The following CPM variants were observed in gnomAD, a reference collection of about 807,000 sequenced individuals.
The protein encoded by CPM is carboxypeptidase M, also known as renal carboxypeptidase.
CPM carries 35 observed loss-of-function variants against 46.4 expected under a neutral mutation model. The observed-to-expected ratio is 0.75, with a 90% CI of 0.58 to 1.00. The LOEUF is 1.00. CPM is among the 50% of genes least tolerant of loss of function. The pLI, the probability that CPM is intolerant of heterozygous loss-of-function variation, is 0.00. For missense variants in CPM, 422 were observed against 530.4 expected (o/e 0.80, Z 2.01); for synonymous variants, 195 against 195.3 (o/e 1.00, Z 0.01).
chr12:68,945,846 C>CTTTTTTTTTTTTTTTTTTTT (rs1170064808), intron 1 of CPM, among the ~76,000 whole-genome samples: 11 of 88,458 alleles, frequency 1.2e-4, no homozygotes, highest in African/African-American at 2.9e-4. Flanking sequence ...TTCTTTCTTT[C>CTTTTTTTTTTTTTTTTTTTT]TTTTTTTTTT....
intron 1 of CPM, among the ~76,000 whole-genome samples, chr12:68,955,872 G>A (rs924915939): frequency 7.9e-5 from 12 of 152,110 alleles, no homozygotes; most frequent in Non-Finnish European, 2.9e-5. Flanking sequence ...GGCCATGGGT[G>A]TCCAAGAAAA....
intron 2 of CPM, among the ~76,000 whole-genome samples, chr12:68,912,367 C>T (rs1389648528): frequency 6.6e-6 from 1 of 152,094 alleles, no homozygotes; most frequent in Non-Finnish European, 1.5e-5. Flanking sequence ...GGGAATTTTT[C>T]CCTATTCTGA....
At chr12:68,949,940 G>T (rs1385517636) in intron 1 of CPM, among the ~76,000 whole-genome samples, 1 of 152,128 alleles carries the variant, frequency 6.6e-6, no homozygotes, top group Non-Finnish European at 1.5e-5. Context: ...TTCCCTTTAA[G>T]TCAAATCAAA....
rs1884939860 is a variant in CPM at position 68,855,756 on chromosome 12, T to G, written c.*681A>C. 1 of 151,758 alleles carries G rather than the reference T, an allele frequency of 6.6e-6. No homozygotes were observed. The highest frequency in any genetic ancestry group is 1.5e-5 in the Non-Finnish European group (1 of 68,040). The allele number at this position is 151,758 out of a possible 1,614,324, so 9.4% of individuals were successfully genotyped here. Reference sequence around the variant, plus strand: ...TTGTTTGTTTTTGTTTTTTTTTTTTTGAGACAGAGTCTTACTCTGTTGCCC... The same window carrying G: ...TTGTTTGTTTTTGTTTTTTTTTTTTGGAGACAGAGTCTTACTCTGTTGCCC... On this transcript the variant is annotated 3_prime_UTR_variant, in exon 9 of 9. Transcript: ENST00000551568.
intron 1 of CPM, among the ~76,000 whole-genome samples, chr12:68,955,764 C>G (rs1290649082): frequency 6.6e-6 from 1 of 152,140 alleles, no homozygotes; most frequent in Non-Finnish European, 1.5e-5. Context: ...TAGCTCCTAT[C>G]CTCAGGCAGG....
chr12:68,882,211 C>G (rs1240401415), intron 3 of CPM, among the ~76,000 whole-genome samples: 1 of 151,908 alleles, frequency 6.6e-6, no homozygotes, highest in Non-Finnish European at 1.5e-5. Context: ...TAGTATCTAA[C>G]AGGTAGGTTT....
chr12:68,955,923 C>G (rs1358698019), intron 1 of CPM, among the ~76,000 whole-genome samples: 1 of 151,926 alleles, frequency 6.6e-6, no homozygotes, highest in Non-Finnish European at 1.5e-5. Flanking sequence ...AACTGAAAGC[C>G]GAGCCCCCAG....
chr12:68,910,805 G>A (rs1887564878), intron 2 of CPM, among the ~76,000 whole-genome samples: 1 of 151,956 alleles, frequency 6.6e-6, no homozygotes, highest in African/African-American at 2.4e-5. Flanking sequence ...TATATACTTT[G>A]TGCAAATGAT....
In CPM at chr12:68,859,073, TG is replaced by T; in HGVS notation, c.941-3del. The T allele has an allele frequency of 6.8e-7, 1 of 1,460,052 alleles. No individual in the cohort carries two copies. The allele number at this position is 1,460,052 out of a possible 1,614,324, so 90.4% of individuals were successfully genotyped here. A position where few individuals can be genotyped will look rare whatever the true frequency, so the allele number is the denominator to read the frequency against. On this transcript the variant is annotated splice_polypyrimidine_tract_variant and splice_region_variant and intron_variant, in intron 7 of 8. Coordinates refer to ENST00000551568, the MANE Select transcript of CPM (RefSeq NM_198320.5). ...GATCAAAAACTTGACCCTTTACACC[TG>T]CAAGACAAAAATAAAATTAAATATT...
chr12:68,867,757 C>T (rs900251932), intron 6 of CPM, among the ~76,000 whole-genome samples: 1 of 152,166 alleles, frequency 6.6e-6, no homozygotes, highest in Non-Finnish European at 1.5e-5. Flanking sequence ...GGTGAACGGC[C>T]CGGCCCCCTG....
upstream of CPM, among the ~76,000 whole-genome samples, chr12:68,933,381 C>T (rs1592709509): frequency 1.3e-5 from 2 of 152,038 alleles, no homozygotes; most frequent in African/African-American, 4.8e-5. Context: ...GGCGGCTGAG[C>T]TGGGCGGAGG....
upstream of CPM, among the ~76,000 whole-genome samples, chr12:68,933,876 C>A (rs1243367802): frequency 1.3e-5 from 2 of 152,342 alleles, no homozygotes; most frequent in African/African-American, 4.8e-5. Flanking sequence ...TCGAAGAAGG[C>A]AGGACCACTG....
At chr12:68,903,486 T>C (rs1887201963) in intron 2 of CPM, among the ~76,000 whole-genome samples, 1 of 152,208 alleles carries the variant, frequency 6.6e-6, no homozygotes, top group Non-Finnish European at 1.5e-5. Flanking sequence ...TTCGACAAAC[T>C]GTATAATTAA....
At chr12:68,941,818 A>G (rs1888766307) in intron 1 of CPM, among the ~76,000 whole-genome samples, 1 of 152,144 alleles carries the variant, frequency 6.6e-6, no homozygotes, top group Non-Finnish European at 1.5e-5. Context: ...TAGCTCCCCC[A>G]ACTCAGATCA....
intron 2 of CPM, among the ~76,000 whole-genome samples, chr12:68,927,577 C>T (rs1224355667): frequency 6.6e-6 from 1 of 151,976 alleles, no homozygotes; most frequent in South Asian, 2.1e-4. Context: ...AATTAGATCC[C>T]ATTTGTCAAT....
At chr12:68,881,608 A>C (rs1403902702) in intron 3 of CPM, among the ~76,000 whole-genome samples, 1 of 152,252 alleles carries the variant, frequency 6.6e-6, no homozygotes, top group East Asian at 1.9e-4. Context: ...TGCACACACA[A>C]ATATCTGGAA....
At chr12:68,928,685 C>T (rs921814113) in intron 2 of CPM, among the ~76,000 whole-genome samples, 6 of 151,972 alleles carry the variant, frequency 3.9e-5, no homozygotes, top group East Asian at 1.9e-4. Context: ...GTTATTATCC[C>T]GCCTACTGTA....
intron 1 of CPM, among the ~76,000 whole-genome samples, chr12:68,961,711 C>T (rs887750157): frequency 1.3e-5 from 2 of 151,236 alleles, no homozygotes; most frequent in Non-Finnish European, 2.9e-5. Context: ...GTCAGGAGTT[C>T]GAGACCAGCC....
chr12:68,880,849 C>T lies in CPM; in HGVS notation c.258+4943G>A, dbSNP rs77387531. On this transcript the variant is annotated intron_variant, in intron 3 of 8. Transcript: ENST00000551568. ...TGTAAAGCACTGTTTGAGGAGGCAA[C>T]TTGCCAGCCTGATTAATGTGGCATA... is the stretch of plus-strand genomic sequence containing the variant. 8.4e-3 allele frequency among the ~76,000 whole-genome samples: 1,275 copies of T among 152,314 alleles called. 55 individuals carry two copies. In the East Asian group the frequency reaches 0.13, roughly 15 times the overall value.
Sources: allele counts gnomAD v4.1 joint callset (sites outside exome capture counted in the v4.1 genomes callset), GRCh38; gene constraint gnomAD v4.1.1; transcripts MANE v1.5; gene names NCBI Gene and HGNC (gene_info 2026-07-23, HGNC 2026-07-21).